MMP9: variants seen among roughly 807,000 people sequenced by gnomAD.
MMP9 encodes matrix metalloproteinase-9.
Under a neutral mutation model 76.4 loss-of-function variants are expected in MMP9, and 73 were observed. The ratio of observed to expected loss-of-function variants is 0.96; its 90% CI spans 0.79 to 1.16. MMP9 has a LOEUF of 1.16. Ranked by LOEUF, MMP9 falls within the 50% of genes most tolerant of loss-of-function variation. The pLI is 0.00. For missense variants in MMP9, 943 were observed against 973.0 expected (o/e 0.97, Z 0.41); for synonymous variants, 412 against 408.4 (o/e 1.01, Z -0.11).
In MMP9 at chr20:46,012,315, T is replaced by C. The variant is rs762346550; in HGVS notation, c.1174+2T>C. On this transcript the variant is annotated splice_donor_variant, in intron 7 of 12. Coordinates refer to ENST00000372330, the MANE Select transcript of MMP9 (RefSeq NM_004994.3). LOFTEE classifies it high-confidence loss of function. The stretch of plus-strand genomic sequence containing the variant: ...AGTGGGGCTTCTGCCCGGACCAAGG[T>C]AGGCGTGGTCCCGCGGCTCCGGGGC... 1.5e-5 allele frequency: 25 copies of C among 1,613,164 alleles called. No individual in the cohort carries two copies. The highest frequency in any genetic ancestry group is 2.1e-5 in the Non-Finnish European group (25 of 1,179,952).
Position 46,010,237 on chromosome 20 carries a change from C to G in MMP9, c.371+139C>G, listed in dbSNP as rs925763016. The G allele has an allele frequency of 1.4e-5, 12 of 848,006 alleles. No individual in the cohort carries two copies. The East Asian group carries it at 3.2e-4, about 22-fold the overall frequency. The allele number at this position is 848,006 out of a possible 1,614,324, so 52.5% of individuals were successfully genotyped here. A position where few individuals can be genotyped will look rare whatever the true frequency, so the allele number is the denominator to read the frequency against. ...TGTGGCCCCTGGGGAGTGTCCCCAC[C>G]TCTGAGCCTCTGTTTCTCCTTCAGG... On this transcript the variant is annotated intron_variant, in intron 2 of 12. Coordinates refer to ENST00000372330, the MANE Select transcript of MMP9 (RefSeq NM_004994.3).
chr20:46,013,921 G>A lies in MMP9; in HGVS notation c.1750+125G>A. The A allele has an allele frequency of 6.8e-7, 1 of 1,473,014 alleles. No individual in the cohort carries two copies. The highest frequency in any genetic ancestry group is 2.5e-5 in the East Asian group (1 of 40,622). 91.2% of individuals were successfully genotyped at this position (1,473,014 alleles called of 1,614,324 possible). Reference sequence around the variant, plus strand: ...AAAAATACGCCCCCTGGCGGACGCAGTTTAGCAAACGTAGGGGCGGCTGAG... The same window carrying A: ...AAAAATACGCCCCCTGGCGGACGCAATTTAGCAAACGTAGGGGCGGCTGAG... On this transcript the variant is annotated intron_variant, in intron 10 of 12. Coordinates refer to ENST00000372330, the MANE Select transcript of MMP9 (RefSeq NM_004994.3). This position sits in a 1 kb window ranked among gnomAD's most constrained non-coding sequence, Gnocchi z 4.5.
intron 6 of MMP9, 80 bp from the exon 7 acceptor site, chr20:46,012,057 T>C: frequency 6.4e-7 from 1 of 1,564,458 alleles, no homozygotes; most frequent in Non-Finnish European, 8.7e-7. Context: ...ACCAAGATTG[T>C]TTAGCTCCCT....
chr20:46,009,243 G>C (rs1482685640), intron 1 of MMP9, among the ~76,000 whole-genome samples, 179 bp downstream of exon 1: 1 of 152,138 alleles, frequency 6.6e-6, no homozygotes, highest in African/African-American at 2.4e-5. Context: ...GCTTTGAGCA[G>C]TGATGGCCAG....
At chr20:46,012,015 TC>T (rs1360930369) in intron 6 of MMP9, 121 bp from the exon 7 acceptor site, 1 of 1,340,020 alleles carries the variant, frequency 7.5e-7, no homozygotes, top group East Asian at 2.3e-5. Context: ...TCTAGCCTCT[TC>T]TCAGGAGTGC....
chr20:46,009,867 A>G lies in MMP9; in HGVS notation c.140A>G (p.Glu47Gly), dbSNP rs1236078412. Residue 47 changes from glutamate (E) to glycine (G), a missense_variant and splice_region_variant, in exon 2 of 13, where the codon GAA becomes GGA. By Grantham distance (98) the Glu-to-Gly change is moderately conservative (BLOSUM62 -2). Transcript: ENST00000372330. ...ATGTGTGTGTCCCTTCATCCACAGG[A>G]ATACCTGTACCGCTATGGTTACACT... ...TNLTDRQLAE[E>G]YLYRYGYTRV... 5.2e-6 allele frequency: 8 copies of G among 1,551,120 alleles called. No homozygotes were observed. The highest frequency in any genetic ancestry group is 8.7e-7 in the Non-Finnish European group (1 of 1,146,518).
Position 46,011,226 on chromosome 20 carries a change from AC to A in MMP9, c.735del (p.Thr246ProfsTer92), listed in dbSNP as rs768365704. The A allele has an allele frequency of 6.9e-5, 111 of 1,613,772 alleles. 1 individual carries two copies. Among genetic ancestry groups the A allele is most frequent in the Non-Finnish European group, 1.9e-5 (22 of 1,180,038 alleles). ...IFEGRSYSACTTDGRSDGLPW... is the reference protein window; with the variant it reads ...IFEGRSYSACXTDGRSDGLPW... ...CGAGGGCCGCTCCTACTCTGCCTGCACCACCGACGGTCGCTCCGACGGCTTG... is the reference window on the plus strand; with the variant it reads ...CGAGGGCCGCTCCTACTCTGCCTGCACACCGACGGTCGCTCCGACGGCTTG... On this transcript the variant is annotated frameshift_variant, in exon 5 of 13. Coordinates refer to ENST00000372330, the MANE Select transcript of MMP9 (RefSeq NM_004994.3). LOFTEE classifies it high-confidence loss of function.
In MMP9 at chr20:46,012,081, CT is replaced by C. The variant is rs1687415568; in HGVS notation, c.998-55del. 3.8e-6 allele frequency: 6 copies of C among 1,599,710 alleles called. No homozygotes were observed. In the African/African-American group the frequency reaches 4.0e-5, roughly 11 times the overall value. ...GTTTAGCTCCCTGTCGGGTCGGCCC[CT>C]GACTCCTTATTGGACTCATCCATCT... On this transcript the variant is annotated intron_variant, in intron 6 of 12. Transcript: ENST00000372330.
rs1023660861 is a variant in MMP9 at position 46,009,976 on chromosome 20, C to T, written c.249C>T (p.Thr83=). The change falls in exon 2 of 13, where the codon ACC becomes ACT. Residue 83 remains threonine, a synonymous_variant. Coordinates refer to ENST00000372330, the MANE Select transcript of MMP9 (RefSeq NM_004994.3). The part of the protein sequence containing the change: ...LLQKQLSLPE[T]GELDSATLKA... ...AGAAGCAACTGTCCCTGCCCGAGAC[C>T]GGTGAGCTGGATAGCGCCACGCTGA... 29 of 1,551,734 alleles carry T rather than the reference C, an allele frequency of 1.9e-5. No individual in the cohort carries two copies. The highest frequency in any genetic ancestry group is 7.8e-5 in the Admixed American group (4 of 51,004).
Position 46,013,147 on chromosome 20 carries a change from G to C in MMP9, c.1331-108G>C, listed in dbSNP as rs1243444911. ...TGGGAAGGGAGGCTGAGTGAGGAGG[G>C]GCCTGTGTGCCAGAGGAGGCTTCAC... On this transcript the variant is annotated intron_variant, in intron 8 of 12. Coordinates refer to ENST00000372330, the MANE Select transcript of MMP9 (RefSeq NM_004994.3). The surrounding 1 kb of genome is among the most constrained non-coding windows in gnomAD (Gnocchi z 4.5). 2 of 1,303,004 alleles carry C rather than the reference G, an allele frequency of 1.5e-6. No individual in the cohort carries two copies. Among genetic ancestry groups the C allele is most frequent in the East Asian group, 2.3e-5 (1 of 43,394 alleles). The allele number at this position is 1,303,004 out of a possible 1,614,324, so 80.7% of individuals were successfully genotyped here.
In MMP9 at chr20:46,011,142, GT is replaced by G; in HGVS notation, c.650del (p.Val217GlyfsTer121). 6.2e-7 allele frequency: 1 copy of G among 1,614,070 alleles called. No individual in the cohort carries two copies. ...AACTCCGGTCCCCCCTCCTCCTGCA[GT>G]GGTTCCAACTCGGTTTGGAAACGCA... Reference protein sequence around the residue: ...DELWSLGKGVVVPTRFGNADG... With the variant: ...DELWSLGKGVXVPTRFGNADG... On this transcript the variant is annotated frameshift_variant and splice_region_variant, in exon 5 of 13. Coordinates refer to ENST00000372330, the MANE Select transcript of MMP9 (RefSeq NM_004994.3). LOFTEE classifies it high-confidence loss of function.
rs988063401 is a variant in MMP9 at position 46,014,695 on chromosome 20, C to G, written c.2005+221C>G. 13 of 610,448 alleles carry G rather than the reference C, an allele frequency of 2.1e-5. No individual in the cohort carries two copies. The Admixed American group carries it at 3.6e-4, about 17-fold the overall frequency. The allele number at this position is 610,448 out of a possible 1,614,324, so 37.8% of individuals were successfully genotyped here. A position where few individuals can be genotyped will look rare whatever the true frequency, so the allele number is the denominator to read the frequency against. ...TTTCCTGCCTCCCCGGCTGGAAGCT[C>G]TTTCTCCTTCAGTACAGGACGGCAG... On this transcript the variant is annotated intron_variant, in intron 12 of 12. Coordinates refer to ENST00000372330, the MANE Select transcript of MMP9 (RefSeq NM_004994.3).
intron 4 of MMP9, 31 bp downstream of exon 4, chr20:46,011,081 T>C (rs200031977): frequency 6.8e-6 from 11 of 1,613,626 alleles, no homozygotes; most frequent in Non-Finnish European, 9.3e-6. Flanking sequence ...GGCCCCTGAT[T>C]CCCTTCATTC....
chr20:46,011,806 A>G (rs1568847623), intron 6 of MMP9, 59 bp downstream of exon 6: 4 of 1,554,278 alleles, frequency 2.6e-6, no homozygotes, highest in Non-Finnish European at 3.5e-6. Flanking sequence ...TTGGCCCCCA[A>G]AACGCGGCTC....
rs1389420574 is a variant in MMP9, at chr20:46,013,258, C to T, written c.1334C>T (p.Pro445Leu). The change falls in exon 9 of 13, where the codon CCT (proline) becomes CTT (leucine). Residue 445 changes from proline (P) to leucine (L), a missense_variant. Pro to Leu is a moderately conservative substitution (Grantham distance 98). Transcript: ENST00000372330. This position sits in a 1 kb window ranked among gnomAD's most constrained non-coding sequence, Gnocchi z 4.5. ...CTCACCCCGTGTCTCTTTTTAGGTC[C>T]TCGCCCTGAACCTGAGCCACGGCCT... ...DVNGIRHLYGPRPEPEPRPPT... is the reference protein window; with the variant it reads ...DVNGIRHLYGLRPEPEPRPPT... The T allele has an allele frequency of 1.2e-6, 2 of 1,614,034 alleles. No homozygotes were observed. Among genetic ancestry groups the T allele is most frequent in the Non-Finnish European group, 1.7e-6 (2 of 1,179,982 alleles).
intron 1 of MMP9, among the ~76,000 whole-genome samples, 153 bp downstream of exon 1, chr20:46,009,217 G>T (rs2084260911): frequency 6.6e-6 from 1 of 152,150 alleles, no homozygotes; most frequent in Non-Finnish European, 1.5e-5. Flanking sequence ...GTTAGGCAGT[G>T]GGGGGTCTTG....
chr20:46,013,593 C>T lies in MMP9; in HGVS notation c.1610+59C>T. On this transcript the variant is annotated intron_variant, in intron 9 of 12. Coordinates refer to ENST00000372330, the MANE Select transcript of MMP9 (RefSeq NM_004994.3). This position sits in a 1 kb window ranked among gnomAD's most constrained non-coding sequence, Gnocchi z 4.5. ...GGCTTTGCGGAGGGGCTGCCCGTCC[C>T]TTCCCGCCCACTGGCCCTGTGTCCA... 6.2e-7 allele frequency: 1 copy of T among 1,611,862 alleles called. No homozygotes were observed. The highest frequency in any genetic ancestry group is 8.5e-7 in the Non-Finnish European group (1 of 1,178,450).
chr20:46,014,290 G>A lies in MMP9; in HGVS notation c.1901+16G>A. On this transcript the variant is annotated intron_variant, in intron 11 of 12. Transcript: ENST00000372330. ...GCCTCTGGAGGTGAGCGCCGCCGCGGCCGCCGGCAGGGGGAGCCCGGGCGC... is the reference window on the plus strand; with the variant it reads ...GCCTCTGGAGGTGAGCGCCGCCGCGACCGCCGGCAGGGGGAGCCCGGGCGC... The A allele has an allele frequency of 2.0e-6, 3 of 1,527,914 alleles. No individual in the cohort carries two copies. Among genetic ancestry groups the A allele is most frequent in the South Asian group, 1.2e-5 (1 of 82,862 alleles). 94.6% of individuals were successfully genotyped at this position (1,527,914 alleles called of 1,614,324 possible). A position where few individuals can be genotyped will look rare whatever the true frequency, so the allele number is the denominator to read the frequency against.
chr20:46,011,326 G>T lies in MMP9; in HGVS notation c.823+10G>T. On this transcript the variant is annotated intron_variant, in intron 5 of 12. Coordinates refer to ENST00000372330, the MANE Select transcript of MMP9 (RefSeq NM_004994.3). ...TTCTGCCCCAGCGAGAGTGAGTGAG[G>T]GGGCTCGCCGAGGGCTGGGGGCGCC... 1 of 1,599,530 alleles carries T rather than the reference G, an allele frequency of 6.3e-7. No homozygotes were observed. The highest frequency in any genetic ancestry group is 1.1e-5 in the South Asian group (1 of 90,918).
Sources: gnomAD v4.1 joint callset for allele counts (sites outside exome capture counted in the v4.1 genomes callset) on GRCh38, gnomAD v4.1.1 for gene constraint, Gnocchi (gnomAD v3.1) non-coding constraint, MANE v1.5 for transcripts, NCBI Gene and HGNC (gene_info 2026-07-23, HGNC 2026-07-21) for gene names.